The following IL31RA variants were observed in gnomAD, a reference collection of about 807,000 sequenced individuals.
IL31RA encodes interleukin-31 receptor subunit alpha.
IL31RA carries 66 observed loss-of-function variants against 83.7 expected under a neutral mutation model. The observed-to-expected ratio is 0.79, with a 90% CI of 0.65 to 0.97. IL31RA has a LOEUF of 0.97. Among genes scored for constraint, IL31RA ranks in the 50% least tolerant of loss-of-function variants. The probability of loss-of-function intolerance (pLI) is 0.00; values close to 1 mark genes in which losing one functional copy is unlikely to be tolerated. For synonymous variants in IL31RA, 325 were observed against 329.0 expected (o/e 0.99, Z 0.13); for missense variants, 798 against 919.4 (o/e 0.87, Z 1.71).
At chr5:55,883,797 G>A (rs541163578) in intron 5 of IL31RA, among the ~76,000 whole-genome samples, 2 of 152,264 alleles carry the variant, frequency 1.3e-5, no homozygotes, top group South Asian at 4.2e-4. Context: ...ACTATGCCCT[G>A]TTTCCTTGAG....
chr5:55,879,358 T>G (rs1332471404), intron 4 of IL31RA, among the ~76,000 whole-genome samples: 2 of 151,234 alleles, frequency 1.3e-5, no homozygotes, highest in African/African-American at 4.9e-5. Flanking sequence ...ATTTGGTGTT[T>G]ATAATGGTTA....
intron 8 of IL31RA, 140 bp downstream of exon 8, chr5:55,900,272 A>T: frequency 5.6e-6 from 4 of 717,890 alleles, no homozygotes; most frequent in Non-Finnish European, 7.6e-6. Flanking sequence ...GTGGTGAAGC[A>T]ATGAGAATTT....
At chr5:55,885,207 T>C (rs1176072968) in intron 5 of IL31RA, among the ~76,000 whole-genome samples, 5 of 152,130 alleles carry the variant, frequency 3.3e-5, no homozygotes, top group African/African-American at 7.2e-5. Context: ...TGGAAACCCA[T>C]AGACACCCTG....
At chr5:55,841,071 G>A in the IL31RA span, among the ~76,000 whole-genome samples, 1 of 152,072 alleles carries the variant, frequency 6.6e-6, no homozygotes. Flanking sequence ...CTACTCCATG[G>A]GGGGATGTAA....
At chr5:55,914,505 G>A (rs1190967088) in intron 13 of IL31RA, among the ~76,000 whole-genome samples, 1 of 152,200 alleles carries the variant, frequency 6.6e-6, no homozygotes, top group African/African-American at 2.4e-5. Context: ...TTTATAAAAT[G>A]TTGTCTTTCC....
chr5:55,910,689 A>G lies in IL31RA; in HGVS notation c.1642+17A>G. The G allele has an allele frequency of 6.2e-7, 1 of 1,613,750 alleles. No homozygotes were observed. Among genetic ancestry groups the G allele is most frequent in the Non-Finnish European group, 8.5e-7 (1 of 1,179,664 alleles). On this transcript the variant is annotated intron_variant, in intron 12 of 14. Transcript: ENST00000652347. ...TGTCATTCAGTGAGTATTTCCTTCA[A>G]GCCTTAGGTACCTCTCCCTCACGTT...
In IL31RA at chr5:55,922,399, T is replaced by A; in HGVS notation, c.*5279T>A. 3.9e-6 allele frequency: 6 copies of A among 1,550,508 alleles called. No individual in the cohort carries two copies. The highest frequency in any genetic ancestry group is 4.4e-6 in the Non-Finnish European group (5 of 1,146,432). On this transcript the variant is annotated 3_prime_UTR_variant, in exon 15 of 15. Transcript: ENST00000652347. ...GTACTATGCATTTCATTTTTAGGAC[T>A]AGAATTCTGTCTTCCTGCCCAACTT...
intron 4 of IL31RA, among the ~76,000 whole-genome samples, chr5:55,879,423 T>C (rs952388007): frequency 7.9e-6 from 1 of 127,298 alleles, no homozygotes; most frequent in African/African-American, 3.1e-5. Flanking sequence ...CCAGTTTCTG[T>C]CCTTTTTTTT....
intron 2 of IL31RA, among the ~76,000 whole-genome samples, chr5:55,864,566 C>A (rs2112331389): frequency 6.7e-6 from 1 of 149,286 alleles, no homozygotes; most frequent in East Asian, 2.0e-4. Context: ...ACACATATGT[C>A]ACACATACCA....
chr5:55,867,206 T>TGTTTGTGTGTGC (rs1561543322), intron 2 of IL31RA, among the ~76,000 whole-genome samples: 18 of 92,386 alleles, frequency 1.9e-4, no homozygotes, highest in East Asian at 5.0e-4. Flanking sequence ...TGTTTGTGTG[T>TGTTTGTGTGTGC]GTGCGCATGT....
Position 55,908,364 on chromosome 5 carries a change from T to C in IL31RA, c.1454T>C (p.Ile485Thr). The C allele has an allele frequency of 6.2e-7, 1 of 1,614,156 alleles. No homozygotes were observed. The highest frequency in any genetic ancestry group is 1.1e-5 in the South Asian group (1 of 91,086). Residue 485 changes from isoleucine to threonine, a missense_variant, in exon 11 of 15, where the codon ATC becomes ACC. Ile to Thr is a moderately conservative substitution (Grantham distance 89). Transcript: ENST00000652347. The part of the protein sequence containing the change: ...EIPKSERKGI[I>T]CNYTIFYQAE... ...CCCAAGAGTGAGAGAAAGGGTATCA[T>C]CTGCAACTACACCATCTTTTACCAA... is the stretch of plus-strand genomic sequence containing the variant.
At chr5:55,892,942 C>T (rs928427383) in intron 6 of IL31RA, among the ~76,000 whole-genome samples, 4 of 152,176 alleles carry the variant, frequency 2.6e-5, no homozygotes, top group Non-Finnish European at 4.4e-5. Context: ...GATTAAAATG[C>T]ACCCCCCAGC....
chr5:55,874,986 T>C (rs1269968380), intron 4 of IL31RA, among the ~76,000 whole-genome samples: 1 of 152,264 alleles, frequency 6.6e-6, no homozygotes, highest in East Asian at 1.9e-4. Context: ...CCATTTAAGT[T>C]TGATGTTAGT....
intron 6 of IL31RA, among the ~76,000 whole-genome samples, 185 bp from the exon 7 acceptor site, chr5:55,896,165 T>C (rs1748318633): frequency 1.3e-5 from 2 of 152,184 alleles, no homozygotes; most frequent in Admixed American, 1.3e-4. Flanking sequence ...CTTTGGTTGA[T>C]TCCAGTTCCT....
rs905994884 is a variant in IL31RA, at chr5:55,896,351, T to A, written c.774T>A (p.Ala258=). The A allele has an allele frequency of 5.0e-6, 8 of 1,610,606 alleles. No homozygotes were observed. In the African/African-American group the frequency reaches 1.1e-4, roughly 22 times the overall value. ...QEKMGMTEEE[A]PCGLELWRVL... ...GTACCTCATTCTTGTTCCTTACAGCTCCATGTGGCCTGGAACTGTGGAGAG... is the reference window on the plus strand; with the variant it reads ...GTACCTCATTCTTGTTCCTTACAGCACCATGTGGCCTGGAACTGTGGAGAG... Residue 258 remains alanine, a splice_region_variant and synonymous_variant, in exon 7 of 15, where the codon GCT becomes GCA. Coordinates refer to ENST00000652347, the MANE Select transcript of IL31RA (RefSeq NM_139017.7).
rs923759602 is a variant in IL31RA at position 55,920,310 on chromosome 5, C to A, written c.*3190C>A. 1.3e-5 allele frequency among the ~76,000 whole-genome samples: 2 copies of A among 152,252 alleles called. No individual in the cohort carries two copies. The highest frequency in any genetic ancestry group is 4.8e-5 in the African/African-American group (2 of 41,464). On this transcript the variant is annotated 3_prime_UTR_variant, in exon 15 of 15. Transcript: ENST00000652347. Reference sequence around the variant, plus strand: ...CATTTCCAGCACGCCCCTAGTTACTCCTGCTGCAGCAGGCACCCTGCCACC... The same window carrying A: ...CATTTCCAGCACGCCCCTAGTTACTACTGCTGCAGCAGGCACCCTGCCACC...
chr5:55,849,448 G>A (rs1384713480), upstream of IL31RA, among the ~76,000 whole-genome samples: 2 of 151,764 alleles, frequency 1.3e-5, no homozygotes, highest in African/African-American at 2.4e-5. Context: ...TGTTTTCATT[G>A]TTGTGACTCT....
rs1749957201 is a variant in IL31RA at position 55,919,021 on chromosome 5, C to T, written c.*1901C>T. Reference sequence around the variant, plus strand: ...CCCTGATGTCTGCTCTCCCTGCTCTCCCTGTTCTCCACCCCTTCTATGGTG... The same window carrying T: ...CCCTGATGTCTGCTCTCCCTGCTCTTCCTGTTCTCCACCCCTTCTATGGTG... On this transcript the variant is annotated 3_prime_UTR_variant, in exon 15 of 15. Coordinates refer to ENST00000652347, the MANE Select transcript of IL31RA (RefSeq NM_139017.7). Among the ~76,000 whole-genome samples, 2 of 151,256 alleles carry T rather than the reference C, an allele frequency of 1.3e-5. No homozygotes were observed. The highest frequency in any genetic ancestry group is 4.8e-5 in the African/African-American group (2 of 41,446).
At chr5:55,844,940 ACCTCTAGCAT>A in the IL31RA span, among the ~76,000 whole-genome samples, 3 of 152,120 alleles carry the variant, frequency 2.0e-5, no homozygotes, top group East Asian at 5.8e-4. Context: ...AGTGTTTTTA[ACCTCTAGCAT>A]CTCTTTTTTA....
Sources: allele counts gnomAD v4.1 joint callset (sites outside exome capture counted in the v4.1 genomes callset), GRCh38; gene constraint gnomAD v4.1.1; transcripts MANE v1.5; gene names NCBI Gene and HGNC (gene_info 2026-07-23, HGNC 2026-07-21).